The following PTPRS variants were observed in gnomAD, a reference collection of about 807,000 sequenced individuals.
The protein encoded by PTPRS is receptor-type tyrosine-protein phosphatase S.
A neutral mutation model predicts 215.3 loss-of-function variants in PTPRS; 63 were observed. The observed-to-expected ratio is 0.29, with a 90% confidence interval of 0.24 to 0.36. The LOEUF (loss-of-function observed/expected upper bound fraction) is 0.36, where lower values mean the gene tolerates loss of function less well. Among genes scored for constraint, PTPRS ranks in the 10% least tolerant of loss-of-function variants. The pLI is 1.00. For missense variants in PTPRS, 2,258 were observed against 2,825.8 expected (o/e 0.80, Z 4.56); for synonymous variants, 1,404 against 1,191.4 (o/e 1.18, Z -3.68).
intron 1 of PTPRS, among the ~76,000 whole-genome samples, chr19:5,327,527 T>C (rs1023913866): frequency 6.6e-6 from 1 of 152,112 alleles, no homozygotes; most frequent in African/African-American, 2.4e-5. Context: ...CCTGGCCCAT[T>C]CCTGGTGAGC....
chr19:5,238,103 G>A (rs2043640979), intron 13 of PTPRS, among the ~76,000 whole-genome samples: 1 of 152,150 alleles, frequency 6.6e-6, no homozygotes, highest in Non-Finnish European at 1.5e-5. Flanking sequence ...GAGAGACCAC[G>A]CCGGTGGAGG....
At chr19:5,215,813 C>T (rs2041384641) in intron 26 of PTPRS, among the ~76,000 whole-genome samples, 1 of 152,020 alleles carries the variant, frequency 6.6e-6, no homozygotes, top group South Asian at 2.1e-4. Flanking sequence ...GGTTTGAGGC[C>T]CTCTGCTCCG....
At chr19:5,301,156 C>A (rs1359953788) in intron 1 of PTPRS, among the ~76,000 whole-genome samples, 7 of 152,174 alleles carry the variant, frequency 4.6e-5, no homozygotes, top group Non-Finnish European at 1.0e-4. Flanking sequence ...AGGCCACAGC[C>A]GGAGTCAGCT....
At chr19:5,300,607 C>T (rs755476550) in intron 1 of PTPRS, among the ~76,000 whole-genome samples, 20 of 151,406 alleles carry the variant, frequency 1.3e-4, no homozygotes, top group African/African-American at 4.9e-4. Flanking sequence ...CCCATCTCAC[C>T]AAAAAATACC....
chr19:5,274,074 C>G, intron 3 of PTPRS, 125 bp downstream of exon 3: 1 of 1,359,474 alleles, frequency 7.4e-7, no homozygotes, highest in Non-Finnish European at 9.9e-7. Flanking sequence ...CGCAGCCATG[C>G]TTGCTTGGCC....
intron 16 of PTPRS, among the ~76,000 whole-genome samples, chr19:5,228,148 C>T (rs1398586724): frequency 6.6e-6 from 1 of 151,792 alleles, no homozygotes; most frequent in Non-Finnish European, 1.5e-5. Flanking sequence ...TGGGAGGCAT[C>T]AGAGCATGTG....
intron 11 of PTPRS, among the ~76,000 whole-genome samples, chr19:5,242,919 C>T (rs2145924736): frequency 6.6e-6 from 1 of 152,058 alleles, no homozygotes; most frequent in Middle Eastern, 3.4e-3. Context: ...AGGCTGGCCT[C>T]AATAAATCCT....
chr19:5,266,293 A>G (rs2046393926), intron 4 of PTPRS, among the ~76,000 whole-genome samples: 1 of 151,924 alleles, frequency 6.6e-6, no homozygotes, highest in African/African-American at 2.4e-5. Context: ...AATAAAATAA[A>G]TAAAATATAG....
intron 9 of PTPRS, among the ~76,000 whole-genome samples, chr19:5,249,453 G>A (rs1235219898): frequency 6.6e-6 from 1 of 152,244 alleles, no homozygotes; most frequent in Non-Finnish European, 1.5e-5. Context: ...TGAGGGAACA[G>A]AGACTCAGAG....
intron 2 of PTPRS, among the ~76,000 whole-genome samples, chr19:5,282,431 G>A (rs890643487): frequency 1.3e-5 from 2 of 152,120 alleles, no homozygotes; most frequent in African/African-American, 2.4e-5. Flanking sequence ...AGGGCGCCGC[G>A]CCTGCAGCTC....
intron 26 of PTPRS, 57 bp downstream of exon 26, chr19:5,216,663 G>C: frequency 7.3e-7 from 1 of 1,375,448 alleles, no homozygotes. Context: ...AGAAACCAAA[G>C]AGGAAATGAA....
intron 1 of PTPRS, among the ~76,000 whole-genome samples, chr19:5,309,166 G>A (rs1386215515): frequency 6.6e-6 from 1 of 151,740 alleles, no homozygotes; most frequent in Non-Finnish European, 1.5e-5. Flanking sequence ...GGGGGGGTTG[G>A]CTGGCTCTGG....
rs1210341547 is a variant in PTPRS at position 5,237,479 on chromosome 19, C to G, written c.1849+1440G>C. On this transcript the variant is annotated intron_variant, in intron 13 of 37. Transcript: ENST00000262963. This position sits in a 1 kb window ranked among gnomAD's most constrained non-coding sequence, Gnocchi z 4.2. ...GTAGGTCACGTCCTTCACAATCCGGCCCAACCTGCATGACATCTCGGGAAG... is the reference window on the plus strand; with the variant it reads ...GTAGGTCACGTCCTTCACAATCCGGGCCAACCTGCATGACATCTCGGGAAG... 6.6e-6 allele frequency among the ~76,000 whole-genome samples: 1 copy of G among 152,174 alleles called. No individual in the cohort carries two copies. The highest frequency in any genetic ancestry group is 1.5e-5 in the Non-Finnish European group (1 of 68,030).
At chr19:5,306,137 A>G (rs1203854329) in intron 1 of PTPRS, among the ~76,000 whole-genome samples, 1 of 144,408 alleles carries the variant, frequency 6.9e-6, no homozygotes. Flanking sequence ...GTAACTCTAG[A>G]ATACAGGGTG....
At chr19:5,330,808 G>A (rs566895107) in intron 1 of PTPRS, among the ~76,000 whole-genome samples, 201 of 152,280 alleles carry the variant, frequency 1.3e-3, no homozygotes, top group African/African-American at 4.7e-3. Flanking sequence ...GCCAGATGGG[G>A]CCAAGAGAAA....
At chr19:5,273,307 G>T in intron 4 of PTPRS, 135 bp downstream of exon 4, 1 of 1,230,806 alleles carries the variant, frequency 8.1e-7, no homozygotes. Context: ...GTTACTGGTT[G>T]GATAAGGGAG....
chr19:5,301,866 C>T (rs542131712), intron 1 of PTPRS, among the ~76,000 whole-genome samples: 23 of 152,256 alleles, frequency 1.5e-4, no homozygotes, highest in Admixed American at 6.5e-4. Context: ...CTGCAACCTC[C>T]GCTTCCTGGG....
At chr19:5,266,920 C>T (rs569451311) in intron 4 of PTPRS, among the ~76,000 whole-genome samples, 35 of 152,158 alleles carry the variant, frequency 2.3e-4, no homozygotes, top group Non-Finnish European at 4.4e-4. Flanking sequence ...CCACCTGGGA[C>T]TAGCTCCAAC....
At chr19:5,255,550 T>C (rs1192093983) in intron 9 of PTPRS, among the ~76,000 whole-genome samples, 1 of 149,828 alleles carries the variant, frequency 6.7e-6, no homozygotes, top group Non-Finnish European at 1.5e-5. Flanking sequence ...CATTTGATTT[T>C]TTCCCCCCAA....
Sources: allele counts gnomAD v4.1 joint callset (sites outside exome capture counted in the v4.1 genomes callset), GRCh38; gene constraint gnomAD v4.1.1; non-coding constraint Gnocchi (gnomAD v3.1); transcripts MANE v1.5; gene names NCBI Gene and HGNC (gene_info 2026-07-23, HGNC 2026-07-21).